Variants in PRKD1 observed in about 807,000 individuals in gnomAD.
PRKD1 encodes the protein protein kinase D1.
PRKD1 carries 63 observed loss-of-function variants against 95.9 expected under a neutral mutation model. The ratio of observed to expected loss-of-function variants is 0.66; its 90% confidence interval spans 0.54 to 0.81. The LOEUF (loss-of-function observed/expected upper bound fraction) is 0.81, where lower values mean the gene tolerates loss of function less well. Among genes scored for constraint, PRKD1 ranks in the 30% least tolerant of loss-of-function variants. The probability of loss-of-function intolerance (pLI) is 0.00; values close to 1 mark genes in which losing one functional copy is unlikely to be tolerated. For synonymous variants in PRKD1, 425 were observed against 423.1 expected (o/e 1.00, Z -0.05); for missense variants, 1,048 against 1,165.3 (o/e 0.90, Z 1.47).
intron 2 of PRKD1, among the ~76,000 whole-genome samples, chr14:29,694,289 G>A (rs560397731): frequency 6.6e-6 from 1 of 152,132 alleles, no homozygotes; most frequent in Non-Finnish European, 1.5e-5. Flanking sequence ...CACACTGTTA[G>A]TTCATATAGA....
intron 1 of PRKD1, among the ~76,000 whole-genome samples, chr14:29,757,537 A>C (rs1594489239): frequency 6.6e-6 from 1 of 152,276 alleles, no homozygotes; most frequent in South Asian, 2.1e-4. Context: ...ATATTGCAGG[A>C]AAATGGCAGG....
chr14:29,890,919 A>G (rs1893916511), intron 1 of PRKD1, among the ~76,000 whole-genome samples: 1 of 152,122 alleles, frequency 6.6e-6, no homozygotes, highest in African/African-American at 2.4e-5. Flanking sequence ...TATGATTTTG[A>G]AAATTCTATC....
intron 5 of PRKD1, 62 bp from the exon 6 acceptor site, chr14:29,638,628 C>T (rs894633430): frequency 1.2e-6 from 2 of 1,612,312 alleles, no homozygotes; most frequent in African/African-American, 2.7e-5. Flanking sequence ...AAGTGGTAAC[C>T]AGAAAATACT....
In PRKD1 at chr14:29,800,991, G is replaced by A. The variant is rs376971526; in HGVS notation, c.265-75317C>T. 1.1e-4 allele frequency among the ~76,000 whole-genome samples: 16 copies of A among 152,206 alleles called. No homozygotes were observed. The South Asian group carries it at 2.9e-3, about 28-fold the overall frequency. ...AAAGTAATGCAATAAAAATGCTAGT[G>A]TAATATTTTGTCTATTTAACTGTCA... is the stretch of plus-strand genomic sequence containing the variant. On this transcript the variant is annotated intron_variant, in intron 1 of 17. Transcript: ENST00000331968.
chr14:29,880,997 C>T (rs1893491330), intron 1 of PRKD1, among the ~76,000 whole-genome samples: 1 of 152,148 alleles, frequency 6.6e-6, no homozygotes, highest in African/African-American at 2.4e-5. Flanking sequence ...CCTTGTCTCA[C>T]ATGAGACTCT....
At chr14:29,614,823 G>A (rs947157774) in intron 13 of PRKD1, among the ~76,000 whole-genome samples, 3 of 150,550 alleles carry the variant, frequency 2.0e-5, no homozygotes, top group Admixed American at 6.6e-5. Flanking sequence ...CTGTGTAGGT[G>A]GGACTACAGG....
intron 13 of PRKD1, among the ~76,000 whole-genome samples, chr14:29,623,632 GT>G (rs1387868257): frequency 3.9e-5 from 6 of 152,142 alleles, no homozygotes; most frequent in African/African-American, 1.4e-4. Flanking sequence ...TCAAATTCTG[GT>G]TTGAAAAAGG....
rs765087105 is a variant in PRKD1, at chr14:29,597,669, A to G, written c.2256T>C (p.Pro752=). The change falls in exon 16 of 18, where the codon CCT becomes CCC. Residue 752 remains proline (P), a synonymous_variant. Coordinates refer to ENST00000331968, the MANE Select transcript of PRKD1 (RefSeq NM_002742.3). ...SVVGTPAYLA[P]EVLRNKGYNR... is the part of the protein sequence containing the mutation. ...TGTAGCCCTTGTTCCTTAGGACCTC[A>G]GGAGCCAGGTAAGCGGGGGTACCCA... 2 of 1,613,890 alleles carry G rather than the reference A, an allele frequency of 1.2e-6. No homozygotes were observed. Among genetic ancestry groups the G allele is most frequent in the African/African-American group, 2.7e-5 (2 of 74,916 alleles).
intron 1 of PRKD1, among the ~76,000 whole-genome samples, chr14:29,866,535 T>C (rs1358841539): frequency 2.6e-5 from 4 of 152,158 alleles, no homozygotes; most frequent in African/African-American, 9.7e-5. Flanking sequence ...GAAAATAAGA[T>C]CTGTGAGACA....
chr14:29,786,735 C>T (rs1214876386), intron 1 of PRKD1, among the ~76,000 whole-genome samples: 1 of 151,940 alleles, frequency 6.6e-6, no homozygotes, highest in Non-Finnish European at 1.5e-5. Context: ...CTCTTGTTCT[C>T]ACGGTTAGCG....
chr14:29,770,930 C>CAAAAAAAAAAAAAAAAAAAAAAA (rs753745571), intron 1 of PRKD1, among the ~76,000 whole-genome samples: 1 of 47,162 alleles, frequency 2.1e-5, no homozygotes, highest in Admixed American at 2.2e-4. Flanking sequence ...AGACACTGTC[C>CAAAAAAAAAAAAAAAAAAAAAAA]AAAAAAAAAA....
chr14:29,895,876 A>G (rs1316073688), intron 1 of PRKD1, among the ~76,000 whole-genome samples: 1 of 152,162 alleles, frequency 6.6e-6, no homozygotes, highest in Non-Finnish European at 1.5e-5. Context: ...ACCCTGCCCT[A>G]TGCACAGCAG....
chr14:29,924,509 A>G (rs745496409), intron 1 of PRKD1, among the ~76,000 whole-genome samples: 1 of 152,308 alleles, frequency 6.6e-6, no homozygotes, highest in East Asian at 1.9e-4. Context: ...AATATTTCCA[A>G]TGCTCGTATG....
At chr14:29,610,688 C>G (rs550118318) in intron 13 of PRKD1, among the ~76,000 whole-genome samples, 5 of 152,294 alleles carry the variant, frequency 3.3e-5, no homozygotes, top group African/African-American at 1.2e-4. Context: ...TTAAAACTTA[C>G]GTTCACACAG....
chr14:29,696,350 T>C (rs1335864263), intron 2 of PRKD1, among the ~76,000 whole-genome samples: 1 of 152,166 alleles, frequency 6.6e-6, no homozygotes, highest in East Asian at 1.9e-4. Context: ...ACATAAAGGA[T>C]ATGCAAAGCT....
intron 1 of PRKD1, among the ~76,000 whole-genome samples, chr14:29,891,646 T>C (rs762644287): frequency 1.3e-5 from 2 of 151,658 alleles, no homozygotes; most frequent in African/African-American, 2.4e-5. Flanking sequence ...TACTGGATGG[T>C]AAATTTTTGG....
intron 1 of PRKD1, among the ~76,000 whole-genome samples, chr14:29,847,799 C>T (rs1892140189): frequency 6.6e-6 from 1 of 152,024 alleles, no homozygotes; most frequent in African/African-American, 2.4e-5. Flanking sequence ...ATATTGTAGC[C>T]AATCCATAGA....
At chr14:29,913,659 TTAG>T (rs1408982206) in intron 1 of PRKD1, among the ~76,000 whole-genome samples, 1 of 152,234 alleles carries the variant, frequency 6.6e-6, no homozygotes, top group African/African-American at 2.4e-5. Context: ...ACATTCCACA[TTAG>T]TAGATGAAAT....
chr14:29,899,919 G>A (rs1894264569), intron 1 of PRKD1, among the ~76,000 whole-genome samples: 1 of 152,150 alleles, frequency 6.6e-6, no homozygotes, highest in African/African-American at 2.4e-5. Context: ...TGCTGCTCTT[G>A]TGATAATGAG....
Sources: gnomAD v4.1 joint callset for allele counts (sites outside exome capture counted in the v4.1 genomes callset) on GRCh38, gnomAD v4.1.1 for gene constraint, MANE v1.5 for transcripts, NCBI Gene and HGNC (gene_info 2026-07-23, HGNC 2026-07-21) for gene names.